Variants in ITPR1 observed in about 807,000 individuals in gnomAD.
ITPR1 encodes inositol 1,4,5-trisphosphate receptor type 1.
In ITPR1, 96 loss-of-function variants were observed where a neutral mutation model predicts 318.4. The ratio of observed to expected loss-of-function variants is 0.30; its 90% CI spans 0.26 to 0.36. ITPR1 has a LOEUF of 0.36. Ranked by LOEUF, ITPR1 falls within the 10% of genes least tolerant of loss-of-function variation. The pLI is 1.00. For missense variants in ITPR1, 2,440 were observed against 3,460.2 expected (o/e 0.71, Z 7.40); for synonymous variants, 1,312 against 1,289.9 (o/e 1.02, Z -0.37).
At chr3:4,701,756 G>A (rs2094657552) in intron 35 of ITPR1, among the ~76,000 whole-genome samples, 2 of 148,666 alleles carry the variant, frequency 1.3e-5, no homozygotes, top group African/African-American at 5.2e-5. Context: ...ATTGTTCACT[G>A]AGGCCTGAAT....
chr3:4,594,220 G>C (rs1398232977), intron 4 of ITPR1, among the ~76,000 whole-genome samples: 2 of 152,140 alleles, frequency 1.3e-5, no homozygotes, highest in African/African-American at 4.8e-5. Context: ...CCCAGTTTTA[G>C]GTCAGGATAA....
At chr3:4,546,543 T>G (rs919216189) in intron 4 of ITPR1, among the ~76,000 whole-genome samples, 2 of 152,216 alleles carry the variant, frequency 1.3e-5, no homozygotes, top group African/African-American at 4.8e-5. Flanking sequence ...TCACTCTAGC[T>G]GGTGTTCCTC....
intron 60 of ITPR1, among the ~76,000 whole-genome samples, chr3:4,829,672 T>C (rs934830480): frequency 6.6e-6 from 1 of 152,138 alleles, no homozygotes; most frequent in Non-Finnish European, 1.5e-5. Flanking sequence ...TGTTTGTTTG[T>C]TAAGATTTGA....
chr3:4,843,922 G>A (rs1024031325), intron 61 of ITPR1, among the ~76,000 whole-genome samples: 1 of 152,126 alleles, frequency 6.6e-6, no homozygotes, highest in African/African-American at 2.4e-5. Context: ...AAAAGTCAAG[G>A]AGAGCTGATG....
At chr3:4,583,893 A>G (rs951117744) in intron 4 of ITPR1, among the ~76,000 whole-genome samples, 2 of 152,196 alleles carry the variant, frequency 1.3e-5, no homozygotes, top group African/African-American at 4.8e-5. Context: ...ACATAGTTCA[A>G]TGTAAACTTC....
rs1317721211 is a variant in ITPR1 at position 4,843,023 on chromosome 3, G to C, written c.8191-3116G>C. The stretch of plus-strand genomic sequence containing the variant: ...TGGAGAAACCTAAGCGTCCAGAATT[G>C]TTGGCCTCAGTTTCTTATAGGTCAG... On this transcript the variant is annotated intron_variant, in intron 61 of 61. Coordinates refer to ENST00000649015, the MANE Select transcript of ITPR1 (RefSeq NM_001378452.1). Among the ~76,000 whole-genome samples, 30 of 147,404 alleles carry C rather than the reference G, an allele frequency of 2.0e-4. No individual in the cohort carries two copies. In the Admixed American group the frequency reaches 2.0e-3, roughly 10 times the overall value.
At chr3:4,802,031 C>T (rs1047761045) in intron 54 of ITPR1, among the ~76,000 whole-genome samples, 3 of 152,162 alleles carry the variant, frequency 2.0e-5, no homozygotes, top group African/African-American at 4.8e-5. Flanking sequence ...TGGACTTCAT[C>T]CCCCAGGTCA....
chr3:4,618,894 A>G (rs1417180945), intron 4 of ITPR1, among the ~76,000 whole-genome samples: 1 of 152,256 alleles, frequency 6.6e-6, no homozygotes, highest in Admixed American at 6.5e-5. Flanking sequence ...GAGCTGGGCC[A>G]GGGCAACCTC....
At chr3:4,564,230 C>T (rs566930236) in intron 4 of ITPR1, among the ~76,000 whole-genome samples, 42 of 152,202 alleles carry the variant, frequency 2.8e-4, no homozygotes, top group African/African-American at 9.1e-4. Flanking sequence ...CGTGAGCCAC[C>T]GCACCCGGCC....
rs575179686 is a variant in ITPR1, at chr3:4,784,572, T to G, written c.6615+652T>G. Among the ~76,000 whole-genome samples the G allele has an allele frequency of 2.5e-4, 37 of 146,160 alleles. 1 individual carries two copies. The South Asian group carries it at 6.6e-3, about 26-fold the overall frequency. Reference sequence around the variant, plus strand: ...AATCAGATCTGTGTTTTTTGTTTTTTTTTTTTTTTTAAAAAAGGTGTCATG... The same window carrying G: ...AATCAGATCTGTGTTTTTTGTTTTTGTTTTTTTTTTAAAAAAGGTGTCATG... On this transcript the variant is annotated intron_variant, in intron 51 of 61. Coordinates refer to ENST00000649015, the MANE Select transcript of ITPR1 (RefSeq NM_001378452.1).
At chr3:4,701,281 C>T (rs550403781) in intron 35 of ITPR1, among the ~76,000 whole-genome samples, 8 of 152,238 alleles carry the variant, frequency 5.3e-5, no homozygotes, top group East Asian at 1.9e-4. Flanking sequence ...ATAGGGCAGG[C>T]GATAATGCAC....
At chr3:4,846,110 T>G in intron 61 of ITPR1, 29 bp from the exon 62 acceptor site, 4 of 1,356,918 alleles carry the variant, frequency 2.9e-6, no homozygotes, top group Non-Finnish European at 4.1e-6. Context: ...AGTATCTGGG[T>G]CTAATGATGA....
At chr3:4,694,867 C>T (rs935768748) in intron 33 of ITPR1, among the ~76,000 whole-genome samples, 2 of 152,164 alleles carry the variant, frequency 1.3e-5, no homozygotes, top group East Asian at 1.9e-4. Context: ...GTCTTATAAT[C>T]TGTTTTCCCA....
chr3:4,768,190 G>C, intron 45 of ITPR1: 2 of 258,028 alleles, frequency 7.8e-6, no homozygotes, highest in Admixed American at 5.2e-5. Context: ...ATTCACGGAT[G>C]CTCTCCCATT....
At chr3:4,579,716 A>G (rs1311638495) in intron 4 of ITPR1, among the ~76,000 whole-genome samples, 1 of 152,084 alleles carries the variant, frequency 6.6e-6, no homozygotes, top group African/African-American at 2.4e-5. Context: ...AATGATAGAG[A>G]ATTGAAAATT....
intron 11 of ITPR1, among the ~76,000 whole-genome samples, chr3:4,653,119 G>C (rs575306156): frequency 3.2e-4 from 49 of 152,306 alleles, no homozygotes; most frequent in Admixed American, 2.5e-3. Context: ...GCTTTACTCT[G>C]ATCTGCTGGG....
At chr3:4,495,820 A>T (rs1019904064) in intron 2 of ITPR1, among the ~76,000 whole-genome samples, 2 of 152,202 alleles carry the variant, frequency 1.3e-5, no homozygotes, top group African/African-American at 4.8e-5. Context: ...GCATCCCACA[A>T]ATGGACCTCA....
At chr3:4,842,648 T>C (rs1163464090) in intron 61 of ITPR1, among the ~76,000 whole-genome samples, 2 of 152,206 alleles carry the variant, frequency 1.3e-5, no homozygotes, top group Non-Finnish European at 2.9e-5. Flanking sequence ...TGAGCCACCA[T>C]GCCCAGCCGT....
chr3:4,526,588 G>A (rs945353780), intron 4 of ITPR1, among the ~76,000 whole-genome samples: 5 of 152,174 alleles, frequency 3.3e-5, no homozygotes, highest in Non-Finnish European at 7.3e-5. Context: ...AGTTACAATA[G>A]CCAATGTTAA....
Sources: allele counts gnomAD v4.1 joint callset (sites outside exome capture counted in the v4.1 genomes callset), GRCh38; gene constraint gnomAD v4.1.1; transcripts MANE v1.5; gene names NCBI Gene and HGNC (gene_info 2026-07-23, HGNC 2026-07-21).